Variants in AKAP7 observed in about 807,000 individuals in gnomAD.
The protein encoded by AKAP7 is A kinase (PRKA) anchor protein 7.
In AKAP7, 39 loss-of-function variants were observed where a neutral mutation model predicts 39.5. The ratio of observed to expected loss-of-function variants is 0.99; its 90% CI spans 0.76 to 1.29. AKAP7 has a LOEUF of 1.29. Among genes scored for constraint, AKAP7 ranks in the 50% most tolerant of loss-of-function variants. The pLI, the probability that AKAP7 is intolerant of heterozygous loss-of-function variation, is 0.00. For synonymous variants in AKAP7, 140 were observed against 139.1 expected, an observed-to-expected ratio of 1.01 and a Z score of -0.05; for missense variants, 414 against 407.7, an observed-to-expected ratio of 1.02 and a Z score of -0.13.
chr6:131,190,133 TAAG>T (rs1806266395), intron 5 of AKAP7, among the ~76,000 whole-genome samples: 1 of 152,190 alleles, frequency 6.6e-6, no homozygotes, highest in South Asian at 2.1e-4. Context: ...AAATCAGTAT[TAAG>T]AAGTACTTTT....
chr6:131,175,109 C>T lies in AKAP7; in HGVS notation c.589+5836C>T, dbSNP rs111426801. On this transcript the variant is annotated intron_variant, in intron 5 of 7. Coordinates refer to ENST00000431975, the MANE Select transcript of AKAP7 (RefSeq NM_016377.4). The stretch of plus-strand genomic sequence containing the variant: ...GAAAAGAAGATGCTATTAAGAGAAT[C>T]CTAAGAAAGAGAATACATGTTTGCT... 5.1e-3 allele frequency among the ~76,000 whole-genome samples: 773 copies of T among 152,166 alleles called. 8 individuals are homozygous for T. Among genetic ancestry groups the T allele is most frequent in the African/African-American group, 0.018 (730 of 41,504 alleles).
chr6:131,162,234 A>T (rs1159810943), intron 3 of AKAP7, among the ~76,000 whole-genome samples: 1 of 152,222 alleles, frequency 6.6e-6, no homozygotes, highest in African/African-American at 2.4e-5. Context: ...CTTTCCTTTC[A>T]CCACTAACTT....
In AKAP7 at chr6:131,208,012, T is replaced by A. The variant is rs565277940; in HGVS notation, c.702+8439T>A. On this transcript the variant is annotated intron_variant, in intron 6 of 7. Coordinates refer to ENST00000431975, the MANE Select transcript of AKAP7 (RefSeq NM_016377.4). ...CAGTTTTTAGTTGTTTTTGAGTCAC[T>A]TTTCATATTTCCAAGTACATTAAAC... Among the ~76,000 whole-genome samples the A allele has an allele frequency of 7.9e-5, 12 of 152,356 alleles. No homozygotes were observed. The South Asian group carries it at 2.5e-3, about 32-fold the overall frequency.
rs199914233 is a variant in AKAP7 at position 131,136,952 on chromosome 6, G to GTATGTATA, written c.19+1186_19+1193dup. Reference sequence around the variant, plus strand: ...CTTATTTATGTATGTACTTATGTATGTATGTATATATGTATATATGTATTT... The same window carrying GTATGTATA: ...CTTATTTATGTATGTACTTATGTATGTATGTATATATGTATATATGTATATATGTATTT... On this transcript the variant is annotated intron_variant, in intron 1 of 7. Coordinates refer to ENST00000431975, the MANE Select transcript of AKAP7 (RefSeq NM_016377.4). 1,678 of 713,378 alleles carry GTATGTATA rather than the reference G, an allele frequency of 2.4e-3. 9 individuals are homozygous for GTATGTATA. In the Admixed American group the frequency reaches 0.024, roughly 10 times the overall value. 44.2% of individuals were successfully genotyped at this position (713,378 alleles called of 1,614,324 possible).
rs1812650348 is a variant in AKAP7, at chr6:131,253,933, A to ACATC, written c.851-27596_851-27593dup. ...GCTCTTGTGAATAATGCTGCAGTAA[A>ACATC]CATCGGGGTGCAGGTATTCCTTTGA... On this transcript the variant is annotated intron_variant, in intron 7 of 7. Coordinates refer to ENST00000431975, the MANE Select transcript of AKAP7 (RefSeq NM_016377.4). Among the ~76,000 whole-genome samples, 3 of 152,274 alleles carry ACATC rather than the reference A, an allele frequency of 2.0e-5. No individual in the cohort carries two copies. In the South Asian group the frequency reaches 6.2e-4, roughly 32 times the overall value.
chr6:131,241,577 ATGTGTGTGTGTGTGTGTGTGTG>A (rs749601887), intron 7 of AKAP7, among the ~76,000 whole-genome samples: 8 of 81,304 alleles, frequency 9.8e-5, no homozygotes, highest in African/African-American at 2.1e-4. Context: ...GATTATATAT[ATGTGTGTGTGTGTGTGTGTGTG>A]TGTGTGTGTG....
At chr6:131,152,559 G>A (rs1257045216) in intron 2 of AKAP7, among the ~76,000 whole-genome samples, 1 of 152,170 alleles carries the variant, frequency 6.6e-6, no homozygotes, top group Non-Finnish European at 1.5e-5. Flanking sequence ...CGGGCGTGGT[G>A]GCTCACGCCT....
chr6:131,237,884 G>A (rs1226207289), intron 7 of AKAP7, among the ~76,000 whole-genome samples: 1 of 151,906 alleles, frequency 6.6e-6, no homozygotes, highest in Non-Finnish European at 1.5e-5. Context: ...TTTTTTGAAG[G>A]GTTTTTGTGT....
intron 6 of AKAP7, among the ~76,000 whole-genome samples, chr6:131,219,011 G>C (rs186736870): frequency 1.8e-4 from 28 of 152,270 alleles, no homozygotes; most frequent in African/African-American, 6.3e-4. Context: ...GCCCACGTCT[G>C]TAATCCCAGC....
In AKAP7 at chr6:131,282,458, G is replaced by T; in HGVS notation, c.*732G>T. 1.3e-6 allele frequency: 2 copies of T among 1,534,786 alleles called. No homozygotes were observed. Among genetic ancestry groups the T allele is most frequent in the Non-Finnish European group, 1.7e-6 (2 of 1,146,210 alleles). ...TGAAGCTTTGCATCGAGAAACGATG[G>T]GTCTGAAGTCCAAAGTGAAACAGAT... On this transcript the variant is annotated 3_prime_UTR_variant, in exon 8 of 8. Coordinates refer to ENST00000431975, the MANE Select transcript of AKAP7 (RefSeq NM_016377.4).
chr6:131,247,315 GT>G (rs1243723637), intron 7 of AKAP7, among the ~76,000 whole-genome samples: 3,655 of 45,796 alleles, frequency 0.08, 170 homozygotes, highest in African/African-American at 0.2. Context: ...ATATATATAT[GT>G]TTTTTTTTTC....
At chr6:131,172,430 G>A (rs1269522384) in intron 5 of AKAP7, among the ~76,000 whole-genome samples, 1 of 151,956 alleles carries the variant, frequency 6.6e-6, no homozygotes, top group East Asian at 1.9e-4. Flanking sequence ...ACTCACTGCA[G>A]CCTTGAGCCT....
the AKAP7 span, among the ~76,000 whole-genome samples, chr6:131,127,628 T>C: frequency 6.6e-6 from 1 of 152,174 alleles, no homozygotes; most frequent in Non-Finnish European, 1.5e-5. Context: ...ATATACGAAT[T>C]AAAATACAAA....
chr6:131,264,867 G>C (rs1221163652), intron 7 of AKAP7, among the ~76,000 whole-genome samples: 1 of 152,092 alleles, frequency 6.6e-6, no homozygotes, highest in Non-Finnish European at 1.5e-5. Context: ...GAGCAAGAGA[G>C]GGACTGGTGA....
upstream of AKAP7, among the ~76,000 whole-genome samples, chr6:131,135,277 G>T (rs1800432347): frequency 2.0e-5 from 3 of 152,248 alleles, no homozygotes; most frequent in South Asian, 2.1e-4. Context: ...ATAAATGAGG[G>T]CTGCCAAAGG....
intron 7 of AKAP7, among the ~76,000 whole-genome samples, chr6:131,253,848 A>G (rs1381251095): frequency 1.3e-5 from 2 of 152,128 alleles, no homozygotes; most frequent in Admixed American, 6.6e-5. Context: ...TAGTATATAT[A>G]TACCACATTT....
At chr6:131,224,838 C>T (rs916775511) in intron 7 of AKAP7, among the ~76,000 whole-genome samples, 1 of 149,392 alleles carries the variant, frequency 6.7e-6, no homozygotes, top group African/African-American at 2.5e-5. Context: ...ACAACCTCCA[C>T]CTCCTGGGTT....
At chr6:131,208,878 A>C (rs1808377486) in intron 6 of AKAP7, among the ~76,000 whole-genome samples, 1 of 152,214 alleles carries the variant, frequency 6.6e-6, no homozygotes, top group Admixed American at 6.5e-5. Context: ...GTTGGTGAAC[A>C]TGCTGATTCT....
intron 7 of AKAP7, among the ~76,000 whole-genome samples, chr6:131,234,882 T>A (rs995524377): frequency 1.2e-4 from 18 of 151,806 alleles, no homozygotes; most frequent in Admixed American, 1.1e-3. Flanking sequence ...ATCAGTGATT[T>A]TTTTATTTTA....
Sources: allele counts gnomAD v4.1 joint callset (sites outside exome capture counted in the v4.1 genomes callset), GRCh38; gene constraint gnomAD v4.1.1; transcripts MANE v1.5; gene names NCBI Gene and HGNC (gene_info 2026-07-23, HGNC 2026-07-21).